The following PRICKLE2 variants were observed in gnomAD, a reference collection of about 807,000 sequenced individuals.
The protein encoded by PRICKLE2 is prickle-like protein 2.
A neutral mutation model predicts 81.4 loss-of-function variants in PRICKLE2; 21 were observed. The observed-to-expected ratio is 0.26, with a 90% CI of 0.18 to 0.37. PRICKLE2 has a LOEUF of 0.37. PRICKLE2 is among the 10% of genes least tolerant of loss of function. The pLI is 1.00. For synonymous variants in PRICKLE2, 456 were observed against 421.5 expected (o/e 1.08, Z -1.00); for missense variants, 940 against 1,109.0 (o/e 0.85, Z 2.16).
intron 2 of PRICKLE2, among the ~76,000 whole-genome samples, chr3:64,195,318 G>A (rs762267368): frequency 2.0e-5 from 3 of 152,118 alleles, no homozygotes; most frequent in Non-Finnish European, 2.9e-5. Context: ...TTAAATGTCC[G>A]TATTCGAGAA....
intron 1 of PRICKLE2, among the ~76,000 whole-genome samples, chr3:64,221,453 A>G (rs867300914): frequency 5.3e-5 from 8 of 151,474 alleles, no homozygotes; most frequent in African/African-American, 1.7e-4. Context: ...ACACACACAC[A>G]CACACGCACA....
At chr3:64,173,750 T>C (rs1439641684) in intron 2 of PRICKLE2, among the ~76,000 whole-genome samples, 2 of 152,182 alleles carry the variant, frequency 1.3e-5, no homozygotes, top group Non-Finnish European at 2.9e-5. Flanking sequence ...TCTTCAACGG[T>C]CCCAGCAAAT....
In PRICKLE2 at chr3:64,114,579, T is replaced by A. The variant is rs917128476; in HGVS notation, c.1661-14654A>T. ...CCATTACAAGAATTTCACAACACAA[T>A]CACAAGTATTAATAGAATAGAGTAA... On this transcript the variant is annotated intron_variant, in intron 7 of 7. Coordinates refer to ENST00000638394, the MANE Select transcript of PRICKLE2 (RefSeq NM_198859.4). Among the ~76,000 whole-genome samples, 10 of 150,554 alleles carry A rather than the reference T, an allele frequency of 6.6e-5. No individual in the cohort carries two copies. In the East Asian group the frequency reaches 1.2e-3, roughly 18 times the overall value.
chr3:64,100,215 C>T (rs79946396), intron 7 of PRICKLE2: 9,234 of 463,738 alleles, frequency 0.02, 639 homozygotes, highest in African/African-American at 0.15. Flanking sequence ...ACTGTGTATC[C>T]TATGTATGAT....
intron 2 of PRICKLE2, among the ~76,000 whole-genome samples, chr3:64,248,955 T>C (rs1419439632): frequency 6.6e-6 from 1 of 152,220 alleles, no homozygotes; most frequent in Non-Finnish European, 1.5e-5. Flanking sequence ...TTTAAATACC[T>C]TTGATTTATT....
intron 1 of PRICKLE2, among the ~76,000 whole-genome samples, chr3:64,214,669 G>A (rs2078844122): frequency 6.6e-6 from 1 of 152,094 alleles, no homozygotes; most frequent in Admixed American, 6.6e-5. Flanking sequence ...TTGGAAAGAA[G>A]CCCTTGATGA....
upstream of PRICKLE2, among the ~76,000 whole-genome samples, chr3:64,226,868 G>T (rs779024734): frequency 5.9e-5 from 9 of 152,190 alleles, no homozygotes; most frequent in Non-Finnish European, 1.2e-4. Flanking sequence ...AAAGTAAAGG[G>T]TGAGGGAAAG....
intron 2 of PRICKLE2, among the ~76,000 whole-genome samples, chr3:64,176,066 G>A (rs923693840): frequency 5.3e-5 from 8 of 152,126 alleles, no homozygotes; most frequent in Non-Finnish European, 7.4e-5. Flanking sequence ...ATTCACGTTC[G>A]AGGTAAGAAG....
intron 2 of PRICKLE2, among the ~76,000 whole-genome samples, chr3:64,258,940 G>T (rs1289042283): frequency 6.6e-6 from 1 of 151,810 alleles, no homozygotes; most frequent in Non-Finnish European, 1.5e-5. Flanking sequence ...AAAAGGGATT[G>T]TGGGGCACTG....
intron 2 of PRICKLE2, among the ~76,000 whole-genome samples, chr3:64,187,010 A>T (rs1166686723): frequency 6.6e-6 from 1 of 152,170 alleles, no homozygotes; most frequent in Admixed American, 6.5e-5. Context: ...GGTTGGAGAT[A>T]CCTGTCTTGA....
chr3:64,146,628 A>G (rs2077457937), intron 7 of PRICKLE2: 1 of 580,720 alleles, frequency 1.7e-6, no homozygotes, highest in African/African-American at 1.9e-5. Context: ...CTGTAGTCCC[A>G]ACTACTCGTG....
At chr3:64,186,251 C>T (rs1168983801) in intron 2 of PRICKLE2, among the ~76,000 whole-genome samples, 1 of 152,156 alleles carries the variant, frequency 6.6e-6, no homozygotes, top group East Asian at 1.9e-4. Flanking sequence ...TTAAAAACCC[C>T]AAATGTTTAA....
At chr3:64,177,992 T>C (rs542588884) in intron 2 of PRICKLE2, among the ~76,000 whole-genome samples, 30 of 152,354 alleles carry the variant, frequency 2.0e-4, no homozygotes, top group Admixed American at 1.9e-3. Flanking sequence ...TGCTCCAAAG[T>C]GGCTGCACCA....
intron 7 of PRICKLE2, among the ~76,000 whole-genome samples, chr3:64,114,114 C>T (rs369309442): frequency 4.6e-5 from 7 of 152,068 alleles, no homozygotes; most frequent in African/African-American, 1.7e-4. Context: ...GTGTTGGCCC[C>T]CTAAAATCTC....
At chr3:64,140,729 T>A (rs1370090334) in intron 7 of PRICKLE2, among the ~76,000 whole-genome samples, 1 of 152,182 alleles carries the variant, frequency 6.6e-6, no homozygotes, top group Non-Finnish European at 1.5e-5. Flanking sequence ...TCTCTGCTTG[T>A]CTGCCTTGTC....
chr3:64,217,005 T>C (rs696230), intron 1 of PRICKLE2, among the ~76,000 whole-genome samples: 1,880 of 152,312 alleles, frequency 0.012, 11 homozygotes, highest in Middle Eastern at 0.037. Flanking sequence ...AATGAAGTTC[T>C]GACTCTTGCT....
Position 64,093,459 on chromosome 3 carries a change from C to T in PRICKLE2, c.*5592G>A, listed in dbSNP as rs1259387588. On this transcript the variant is annotated 3_prime_UTR_variant, in exon 8 of 8. Transcript: ENST00000638394. ...TGCCATACTGTTTTCCACAGCACTA[C>T]ATCATTTTACATTCCCACCAACAGT... The T allele has an allele frequency of 2.0e-5, 3 of 152,158 alleles. No homozygotes were observed. Among genetic ancestry groups the T allele is most frequent in the Non-Finnish European group, 4.4e-5 (3 of 68,040 alleles). The allele number at this position is 152,158 out of a possible 1,614,324, so 9.4% of individuals were successfully genotyped here. A position where few individuals can be genotyped will look rare whatever the true frequency, so the allele number is the denominator to read the frequency against.
intron 2 of PRICKLE2, among the ~76,000 whole-genome samples, chr3:64,189,685 G>A (rs1008844122): frequency 1.3e-5 from 2 of 152,186 alleles, no homozygotes; most frequent in African/African-American, 2.4e-5. Context: ...TTATTAAATG[G>A]CTAGCATGTG....
intron 2 of PRICKLE2, among the ~76,000 whole-genome samples, chr3:64,246,036 G>C (rs1013763735): frequency 2.0e-5 from 3 of 152,164 alleles, no homozygotes; most frequent in African/African-American, 7.2e-5. Context: ...CTTGAGGCCA[G>C]GAGTTCGAGA....
Sources: allele counts gnomAD v4.1 joint callset (sites outside exome capture counted in the v4.1 genomes callset), GRCh38; gene constraint gnomAD v4.1.1; transcripts MANE v1.5; gene names NCBI Gene and HGNC (gene_info 2026-07-23, HGNC 2026-07-21).